Variants in PIBF1 observed in about 807,000 individuals in gnomAD.
PIBF1 encodes the protein progesterone immunomodulatory binding factor 1.
In PIBF1, 90 loss-of-function variants were observed where a neutral mutation model predicts 112.5. The ratio of observed to expected loss-of-function variants is 0.80; its 90% CI spans 0.67 to 0.95. The LOEUF (loss-of-function observed/expected upper bound fraction) is 0.95, where lower values mean the gene tolerates loss of function less well. Ranked by LOEUF, PIBF1 falls within the 40% of genes least tolerant of loss-of-function variation. The pLI is 0.00. For synonymous variants in PIBF1, 301 were observed against 288.6 expected (o/e 1.04, Z -0.44); for missense variants, 915 against 852.3 (o/e 1.07, Z -0.92).
chr13:73,011,689 G>C (rs745452324), intron 17 of PIBF1, among the ~76,000 whole-genome samples: 6 of 152,056 alleles, frequency 3.9e-5, no homozygotes, highest in Non-Finnish European at 7.4e-5. Flanking sequence ...CTAATCATAG[G>C]ACCATAGGAT....
At chr13:72,887,360 C>T (rs1267766952) in intron 10 of PIBF1, among the ~76,000 whole-genome samples, 2 of 151,750 alleles carry the variant, frequency 1.3e-5, no homozygotes, top group African/African-American at 2.4e-5. Context: ...ATATAGTTTA[C>T]ATAAAACTTG....
chr13:72,886,715 G>A (rs1319859450), intron 10 of PIBF1, among the ~76,000 whole-genome samples: 1 of 151,844 alleles, frequency 6.6e-6, no homozygotes. Flanking sequence ...TAAATCCATG[G>A]TACAGTTGTC....
chr13:72,955,429 A>T (rs1038973832), intron 14 of PIBF1, among the ~76,000 whole-genome samples: 1 of 152,022 alleles, frequency 6.6e-6, no homozygotes, highest in African/African-American at 2.4e-5. Context: ...GCCAACCACC[A>T]CTGAAGTGGG....
intron 8 of PIBF1, among the ~76,000 whole-genome samples, chr13:72,832,563 T>C (rs902542322): frequency 6.6e-6 from 1 of 152,172 alleles, no homozygotes; most frequent in East Asian, 1.9e-4. Flanking sequence ...GGGTTGAAAA[T>C]TCTTTTCTTT....
At chr13:72,934,772 G>A (rs538461134) in intron 14 of PIBF1, among the ~76,000 whole-genome samples, 2 of 152,134 alleles carry the variant, frequency 1.3e-5, no homozygotes, top group East Asian at 1.9e-4. Context: ...CATATTTAAG[G>A]TATAGTGCAG....
At chr13:73,003,411 C>T (rs897235209) in intron 17 of PIBF1, among the ~76,000 whole-genome samples, 4 of 152,020 alleles carry the variant, frequency 2.6e-5, no homozygotes, top group Non-Finnish European at 5.9e-5. Flanking sequence ...TGCCACCATG[C>T]CCCGCTAATT....
chr13:72,940,192 T>C (rs1191173573), intron 14 of PIBF1, among the ~76,000 whole-genome samples: 1 of 152,144 alleles, frequency 6.6e-6, no homozygotes, highest in African/African-American at 2.4e-5. Context: ...ACAAATGATG[T>C]TCTCTTCAGT....
chr13:72,926,665 C>T (rs1421254899), intron 13 of PIBF1, among the ~76,000 whole-genome samples: 6 of 152,200 alleles, frequency 3.9e-5, no homozygotes, highest in Non-Finnish European at 8.8e-5. Context: ...CAACCCTCAC[C>T]ATGCACCATA....
At chr13:72,826,127 AAAT>A (rs1205869201) in intron 6 of PIBF1, among the ~76,000 whole-genome samples, 2 of 151,956 alleles carry the variant, frequency 1.3e-5, no homozygotes, top group Non-Finnish European at 2.9e-5. Context: ...TTTTAATTAA[AAAT>A]AATCTAAACA....
chr13:72,995,327 A>G (rs963051635), intron 16 of PIBF1, among the ~76,000 whole-genome samples: 1 of 151,738 alleles, frequency 6.6e-6, no homozygotes, highest in African/African-American at 2.4e-5. Context: ...AGTTCTTTCT[A>G]ATTTTGTTTT....
intron 5 of PIBF1, among the ~76,000 whole-genome samples, chr13:72,814,994 C>T (rs2036199078): frequency 6.6e-6 from 1 of 152,142 alleles, no homozygotes; most frequent in African/African-American, 2.4e-5. Flanking sequence ...AAGTGTACAA[C>T]TGATAAAATT....
intron 14 of PIBF1, among the ~76,000 whole-genome samples, chr13:72,939,869 C>T (rs780222364): frequency 6.6e-6 from 1 of 152,124 alleles, no homozygotes; most frequent in Non-Finnish European, 1.5e-5. Flanking sequence ...TACTGCTTCA[C>T]TCCCTTCTAG....
intron 13 of PIBF1, among the ~76,000 whole-genome samples, chr13:72,927,964 T>C (rs5028594): frequency 0.36 from 29,782 of 82,078 alleles, 5,975 homozygotes; most frequent in South Asian, 0.54. Context: ...TATATACACA[T>C]ATATATATAT....
chr13:72,890,829 G>A (rs2040027928), intron 10 of PIBF1, among the ~76,000 whole-genome samples: 1 of 152,102 alleles, frequency 6.6e-6, no homozygotes, highest in Non-Finnish European at 1.5e-5. Flanking sequence ...CACTGTTGGA[G>A]CTACTTTTGT....
chr13:72,938,883 C>G (rs1471793883), intron 14 of PIBF1, among the ~76,000 whole-genome samples: 1 of 152,142 alleles, frequency 6.6e-6, no homozygotes, highest in African/African-American at 2.4e-5. Context: ...GTAGTATCTT[C>G]TAATGATTTT....
intron 16 of PIBF1, among the ~76,000 whole-genome samples, chr13:72,986,194 T>C (rs1469373533): frequency 6.6e-6 from 1 of 151,802 alleles, no homozygotes; most frequent in Non-Finnish European, 1.5e-5. Flanking sequence ...AAAAAAAATT[T>C]TGATGAAAAA....
intron 14 of PIBF1, among the ~76,000 whole-genome samples, chr13:72,946,847 C>T (rs1351396363): frequency 6.6e-6 from 1 of 152,210 alleles, no homozygotes; most frequent in Non-Finnish European, 1.5e-5. Flanking sequence ...GCCCTTGTGG[C>T]TTTGCATGGT....
chr13:72,915,611 T>C (rs1046985734), intron 12 of PIBF1, among the ~76,000 whole-genome samples: 3 of 152,212 alleles, frequency 2.0e-5, no homozygotes, highest in African/African-American at 7.2e-5. Context: ...CATATCTAAA[T>C]GTTAGCTCTA....
intron 16 of PIBF1, among the ~76,000 whole-genome samples, chr13:72,975,758 G>A (rs992733873): frequency 3.3e-5 from 5 of 152,132 alleles, no homozygotes; most frequent in African/African-American, 4.8e-5. Context: ...ATCCATCACC[G>A]CTGCTGTCAC....
Sources: allele counts gnomAD v4.1 joint callset (sites outside exome capture counted in the v4.1 genomes callset), GRCh38; gene constraint gnomAD v4.1.1; transcripts MANE v1.5; gene names NCBI Gene and HGNC (gene_info 2026-07-23, HGNC 2026-07-21).